TENM3: variants seen among roughly 807,000 people sequenced by gnomAD.
TENM3 encodes the protein teneurin-3.
A neutral mutation model predicts 255.1 loss-of-function variants in TENM3; 63 were observed. The observed-to-expected ratio is 0.25, with a 90% confidence interval of 0.20 to 0.30. The LOEUF (loss-of-function observed/expected upper bound fraction) is 0.30, where lower values mean the gene tolerates loss of function less well. TENM3 is among the 10% of genes least tolerant of loss of function. The probability of loss-of-function intolerance (pLI) is 1.00; values close to 1 mark genes in which losing one functional copy is unlikely to be tolerated. For synonymous variants in TENM3, 1,306 were observed against 1,322.3 expected (o/e 0.99, Z 0.27); for missense variants, 2,929 against 3,461.1 (o/e 0.85, Z 3.86).
the TENM3 span, among the ~76,000 whole-genome samples, chr4:182,122,341 T>C: frequency 6.6e-6 from 1 of 152,230 alleles, no homozygotes; most frequent in Non-Finnish European, 1.5e-5. Context: ...CAACTGACTT[T>C]GTCCAGATCC....
chr4:181,470,944 A>AT, the TENM3 span, among the ~76,000 whole-genome samples: 28 of 150,956 alleles, frequency 1.9e-4, no homozygotes, highest in East Asian at 1.4e-3. Flanking sequence ...TTTTGACATA[A>AT]TTTTTTTTCA....
the TENM3 span, among the ~76,000 whole-genome samples, chr4:181,775,765 C>T: frequency 6.6e-6 from 1 of 152,034 alleles, no homozygotes; most frequent in African/African-American, 2.4e-5. Flanking sequence ...TTGTCACCAG[C>T]ATTATTTATT....
the TENM3 span, among the ~76,000 whole-genome samples, chr4:181,754,319 CACAG>C: frequency 4.0e-5 from 6 of 151,330 alleles, no homozygotes; most frequent in Non-Finnish European, 8.9e-5. Context: ...CACACACACA[CACAG>C]ACAATCACAT....
chr4:181,467,125 A>ATATATATTTTT, the TENM3 span, among the ~76,000 whole-genome samples: 1 of 17,612 alleles, frequency 5.7e-5, no homozygotes, highest in African/African-American at 2.5e-4. Context: ...ATATATATAT[A>ATATATATTTTT]TTTTTTTTTT....
the TENM3 span, among the ~76,000 whole-genome samples, chr4:181,908,292 C>T: frequency 1.1e-4 from 17 of 152,250 alleles, no homozygotes; most frequent in African/African-American, 3.6e-4. Flanking sequence ...CTTTGGCTTT[C>T]GGTAACCTTT....
intron 3 of TENM3, among the ~76,000 whole-genome samples, chr4:182,493,251 C>T (rs1231007219): frequency 6.6e-6 from 1 of 152,060 alleles, no homozygotes; most frequent in African/African-American, 2.4e-5. Context: ...ATATATGTAG[C>T]ATGGGCTTCT....
At chr4:181,513,521 T>C in the TENM3 span, among the ~76,000 whole-genome samples, 2 of 152,172 alleles carry the variant, frequency 1.3e-5, no homozygotes, top group Non-Finnish European at 2.9e-5. Flanking sequence ...CAATTAGTTG[T>C]GACCATAAAA....
the TENM3 span, among the ~76,000 whole-genome samples, chr4:181,448,197 C>T: frequency 2.7e-5 from 3 of 112,290 alleles, no homozygotes; most frequent in East Asian, 8.7e-4. Flanking sequence ...GACGGAGTCT[C>T]GCTCTGTCGC....
the TENM3 span, among the ~76,000 whole-genome samples, chr4:182,083,200 T>A: frequency 3.9e-5 from 6 of 152,334 alleles, no homozygotes; most frequent in South Asian, 8.3e-4. Context: ...TAGTGAACAT[T>A]TATGCAATTT....
intron 13 of TENM3, among the ~76,000 whole-genome samples, chr4:182,725,568 G>A (rs1760094828): frequency 6.6e-6 from 1 of 150,972 alleles, no homozygotes; most frequent in South Asian, 2.1e-4. Flanking sequence ...GCCTAGGAAA[G>A]TAATATTTTG....
At chr4:181,676,296 G>A in the TENM3 span, among the ~76,000 whole-genome samples, 3 of 152,140 alleles carry the variant, frequency 2.0e-5, no homozygotes, top group Admixed American at 6.6e-5. Context: ...ATAGGGAGTA[G>A]GGGAGGACAT....
rs531681627 is a variant in TENM3 at position 182,601,290 on chromosome 4, A to C, written c.749+129A>C. The C allele has an allele frequency of 1.0e-4, 75 of 742,688 alleles. 1 individual carries two copies. The East Asian group carries it at 1.9e-3, about 19-fold the overall frequency. 46.0% of individuals were successfully genotyped at this position (742,688 alleles called of 1,614,324 possible). A position where few individuals can be genotyped will look rare whatever the true frequency, so the allele number is the denominator to read the frequency against. On this transcript the variant is annotated intron_variant, in intron 4 of 27. Transcript: ENST00000511685. ...GTTGTGTTTTCTTTTTTCTTCTCTA[A>C]GAAGCAGTTCCAGATTGTTGTGATT...
At chr4:181,834,254 G>A in the TENM3 span, among the ~76,000 whole-genome samples, 4 of 152,082 alleles carry the variant, frequency 2.6e-5, no homozygotes, top group South Asian at 2.1e-4. Context: ...CAGACATATG[G>A]CATTTTCAAC....
rs999164059 is a variant in TENM3, at chr4:182,641,703, T to C, written c.989-12068T>C. Among the ~76,000 whole-genome samples, 320 of 152,264 alleles carry C rather than the reference T, an allele frequency of 2.1e-3. 6 individuals are homozygous for C. The highest frequency in any genetic ancestry group is 2.2e-4 in the Non-Finnish European group (15 of 68,020). On this transcript the variant is annotated intron_variant, in intron 5 of 27. Coordinates refer to ENST00000511685, the MANE Select transcript of TENM3 (RefSeq NM_001080477.4). Reference sequence around the variant, plus strand: ...CCACACGCCTGGCTAATTTTTGTGATTGTAGCAGAGGCGGCGTTTTGCCAT... The same window carrying C: ...CCACACGCCTGGCTAATTTTTGTGACTGTAGCAGAGGCGGCGTTTTGCCAT...
At chr4:182,102,731 C>T in the TENM3 span, among the ~76,000 whole-genome samples, 1 of 152,116 alleles carries the variant, frequency 6.6e-6, no homozygotes, top group South Asian at 2.1e-4. Flanking sequence ...AGCCTGCCTC[C>T]GCCTCTCAGA....
chr4:182,177,606 A>G (rs1193406779), intron 1 of TENM3, among the ~76,000 whole-genome samples: 1 of 128,376 alleles, frequency 7.8e-6, no homozygotes, highest in African/African-American at 2.5e-5. Context: ...GCATACATAT[A>G]TATATATATT....
the TENM3 span, among the ~76,000 whole-genome samples, chr4:181,568,257 G>A: frequency 6.6e-6 from 1 of 150,762 alleles, no homozygotes; most frequent in African/African-American, 2.4e-5. Flanking sequence ...TCTGCCTCCT[G>A]GGTTCAAGTG....
intron 1 of TENM3, among the ~76,000 whole-genome samples, chr4:182,235,856 T>A (rs1206289860): frequency 1.3e-5 from 2 of 152,218 alleles, no homozygotes; most frequent in Non-Finnish European, 2.9e-5. Flanking sequence ...GCACCTACCA[T>A]GTGTAAGCAC....
the TENM3 span, among the ~76,000 whole-genome samples, chr4:181,768,262 G>A: frequency 6.6e-6 from 1 of 152,174 alleles, no homozygotes; most frequent in South Asian, 2.1e-4. Context: ...AGGAATTGAG[G>A]AGGGATTTGT....
Sources: allele counts gnomAD v4.1 joint callset (sites outside exome capture counted in the v4.1 genomes callset), GRCh38; gene constraint gnomAD v4.1.1; transcripts MANE v1.5; gene names NCBI Gene and HGNC (gene_info 2026-07-23, HGNC 2026-07-21).